ALK: variants seen among roughly 807,000 people sequenced by gnomAD.
ALK encodes the protein ALK tyrosine kinase receptor.
A neutral mutation model predicts 163.1 loss-of-function variants in ALK; 74 were observed. That is an observed-to-expected ratio of 0.45 (90% CI 0.38 to 0.55). ALK has a LOEUF of 0.55. Among genes scored for constraint, ALK ranks in the 20% least tolerant of loss-of-function variants. ALK has a pLI of 0.00. For synonymous variants in ALK, 960 were observed against 843.2 expected, an observed-to-expected ratio of 1.14 and a Z score of -2.40; for missense variants, 2,063 against 2,105.3, an observed-to-expected ratio of 0.98 and a Z score of 0.39.
rs184897312 is a variant in ALK at position 29,703,048 on chromosome 2, G to A, written c.788-8034C>T. ...GCAAAGTTTCTGTGGCCATCAGGAT[G>A]TATCTGTTTTCAGAAGGGGCCTATA... On this transcript the variant is annotated intron_variant, in intron 2 of 28. Coordinates refer to ENST00000389048, the MANE Select transcript of ALK (RefSeq NM_004304.5). Among the ~76,000 whole-genome samples, 39 of 152,344 alleles carry A rather than the reference G, an allele frequency of 2.6e-4. No homozygotes were observed. In the East Asian group the frequency reaches 7.3e-3, roughly 29 times the overall value.
At chr2:29,300,309 G>A (rs772836742) in intron 8 of ALK, among the ~76,000 whole-genome samples, 49 of 152,286 alleles carry the variant, frequency 3.2e-4, no homozygotes, top group Non-Finnish European at 4.9e-4. Context: ...ACCACTCTGG[G>A]AGGCCGAGTC....
rs535110294 is a variant in ALK, at chr2:29,237,656, G to A, written c.2355+2024C>T. ...TTAAGTAGGTACTCAATAAATATTG[G>A]TTAAATAAATTTGAATGAATTGAGT... On this transcript the variant is annotated intron_variant, in intron 13 of 28. Transcript: ENST00000389048. 9.8e-5 allele frequency among the ~76,000 whole-genome samples: 15 copies of A among 152,296 alleles called. No homozygotes were observed. In the South Asian group the frequency reaches 2.5e-3, roughly 25 times the overall value.
chr2:29,699,951 A>G (rs532018151), intron 2 of ALK, among the ~76,000 whole-genome samples: 81 of 152,346 alleles, frequency 5.3e-4, no homozygotes, highest in African/African-American at 1.6e-3. Context: ...TCCTGCACAG[A>G]GCAGCTGAGA....
intron 1 of ALK, among the ~76,000 whole-genome samples, chr2:29,788,828 T>G (rs1352925735): frequency 1.3e-5 from 2 of 152,206 alleles, no homozygotes; most frequent in Non-Finnish European, 2.9e-5. Flanking sequence ...AGAAGTAACC[T>G]TGTTTTCTTA....
rs141458178 is a variant in ALK, at chr2:29,456,320, T to C, written c.1155-72461A>G. On this transcript the variant is annotated intron_variant, in intron 4 of 28. Transcript: ENST00000389048. ...AAAAAGTAGAAACAACCTGTGTCCA[T>C]TGACAGATGAATGATTACACAAAAT... 2.4e-3 allele frequency among the ~76,000 whole-genome samples: 372 copies of C among 152,260 alleles called. 3 individuals are homozygous for C. Among genetic ancestry groups the C allele is most frequent in the African/African-American group, 8.5e-3 (354 of 41,574 alleles).
At chr2:29,466,029 A>T (rs1255254673) in intron 4 of ALK, among the ~76,000 whole-genome samples, 2 of 152,342 alleles carry the variant, frequency 1.3e-5, no homozygotes, top group African/African-American at 4.8e-5. Flanking sequence ...GCTTGTCAGA[A>T]GTTTAAGATA....
At chr2:29,675,043 C>G (rs550646784) in intron 3 of ALK, among the ~76,000 whole-genome samples, 1 of 151,238 alleles carries the variant, frequency 6.6e-6, no homozygotes, top group South Asian at 2.1e-4. Context: ...TTTTTTATTG[C>G]GTCTATTTGA....
intron 3 of ALK, among the ~76,000 whole-genome samples, chr2:29,604,454 T>C (rs1431534407): frequency 6.6e-6 from 1 of 152,170 alleles, no homozygotes; most frequent in Non-Finnish European, 1.5e-5. Flanking sequence ...TTTTACTTAT[T>C]GAATTTCTCC....
chr2:29,597,468 C>T (rs776965149), intron 3 of ALK, among the ~76,000 whole-genome samples: 1 of 152,288 alleles, frequency 6.6e-6, no homozygotes, highest in South Asian at 2.1e-4. Context: ...TCAGAAATTC[C>T]TCCACAAAGC....
chr2:29,644,187 G>A (rs1485236491), intron 3 of ALK, among the ~76,000 whole-genome samples: 1 of 139,968 alleles, frequency 7.1e-6, no homozygotes, highest in Non-Finnish European at 1.5e-5. Flanking sequence ...TCATAGGTGG[G>A]AATTGAACAA....
chr2:29,335,387 A>T (rs1667580825), intron 5 of ALK, among the ~76,000 whole-genome samples: 1 of 152,234 alleles, frequency 6.6e-6, no homozygotes, highest in South Asian at 2.1e-4. Context: ...CTTCGTTTGA[A>T]TCTCATAAAA....
At chr2:29,287,320 C>T (rs575412285) in intron 9 of ALK, among the ~76,000 whole-genome samples, 1 of 152,182 alleles carries the variant, frequency 6.6e-6, no homozygotes, top group East Asian at 1.9e-4. Flanking sequence ...GGCCATGTTT[C>T]AAAGAATACT....
intron 1 of ALK, among the ~76,000 whole-genome samples, chr2:29,886,893 G>A (rs191881454): frequency 4.9e-4 from 74 of 152,222 alleles, no homozygotes; most frequent in African/African-American, 1.6e-3. Flanking sequence ...GGTTTCCCAT[G>A]GTTTACACAG....
At chr2:29,239,380 A>G (rs926027835) in intron 13 of ALK, among the ~76,000 whole-genome samples, 3 of 152,180 alleles carry the variant, frequency 2.0e-5, no homozygotes, top group Non-Finnish European at 2.9e-5. Flanking sequence ...TTTCCCAAGC[A>G]AAAGCTGTGC....
chr2:29,723,385 C>A (rs1679476561), intron 1 of ALK, among the ~76,000 whole-genome samples: 1 of 152,216 alleles, frequency 6.6e-6, no homozygotes, highest in African/African-American at 2.4e-5. Flanking sequence ...GAAAGAATTT[C>A]CCTGGTCATC....
intron 1 of ALK, among the ~76,000 whole-genome samples, chr2:29,756,859 G>A (rs1371418396): frequency 6.6e-6 from 1 of 152,166 alleles, no homozygotes. Flanking sequence ...CAGTCACTGT[G>A]CTAGGGATTA....
intron 7 of ALK, chr2:29,319,033 G>C (rs1456653124): frequency 6.5e-6 from 1 of 154,564 alleles, no homozygotes; most frequent in African/African-American, 2.4e-5. Flanking sequence ...TGGCCTTCCA[G>C]TGGTTTCTGT....
chr2:29,537,181 G>A (rs1673281123), intron 3 of ALK, among the ~76,000 whole-genome samples: 1 of 152,222 alleles, frequency 6.6e-6, no homozygotes. Context: ...ATGACTAAAA[G>A]GGAGCCAAGG....
At chr2:29,651,443 T>C (rs1383205668) in intron 3 of ALK, among the ~76,000 whole-genome samples, 1 of 152,198 alleles carries the variant, frequency 6.6e-6, no homozygotes, top group East Asian at 1.9e-4. Context: ...CTGCGTAGCA[T>C]CTTTCTCACA....
Sources: allele counts gnomAD v4.1 joint callset (sites outside exome capture counted in the v4.1 genomes callset), GRCh38; gene constraint gnomAD v4.1.1; transcripts MANE v1.5; gene names NCBI Gene and HGNC (gene_info 2026-07-23, HGNC 2026-07-21).